PCDH7: variants seen among roughly 807,000 people sequenced by gnomAD.
The protein encoded by PCDH7 is protocadherin-7.
A neutral mutation model predicts 58.9 loss-of-function variants in PCDH7; 17 were observed. The ratio of observed to expected loss-of-function variants is 0.29; its 90% CI spans 0.20 to 0.43. PCDH7 has a LOEUF of 0.43. Ranked by LOEUF, PCDH7 falls within the 20% of genes least tolerant of loss-of-function variation. PCDH7 has a pLI of 1.00. For synonymous variants in PCDH7, 664 were observed against 616.4 expected, an observed-to-expected ratio of 1.08 and a Z score of -1.14; for missense variants, 1,274 against 1,441.0, an observed-to-expected ratio of 0.88 and a Z score of 1.88.
intron 3 of PCDH7, among the ~76,000 whole-genome samples, chr4:31,115,085 C>G (rs1187769388): frequency 6.6e-6 from 1 of 152,190 alleles, no homozygotes; most frequent in Non-Finnish European, 1.5e-5. Context: ...GTTTCCCTCC[C>G]TCCTCCACTT....
intron 1 of PCDH7, among the ~76,000 whole-genome samples, chr4:30,842,547 A>G (rs972046307): frequency 2.0e-5 from 3 of 152,280 alleles, no homozygotes; most frequent in East Asian, 1.9e-4. Flanking sequence ...AGGTATCTCA[A>G]TAAATACTGT....
chr4:30,933,516 G>A (rs1448179414), intron 2 of PCDH7, among the ~76,000 whole-genome samples: 1 of 151,986 alleles, frequency 6.6e-6, no homozygotes, highest in Non-Finnish European at 1.5e-5. Context: ...CTTGTCTTTA[G>A]GGTCATCTAT....
intron 1 of PCDH7, among the ~76,000 whole-genome samples, chr4:30,759,300 TA>T (rs1244678780): frequency 3.3e-5 from 5 of 152,136 alleles, no homozygotes; most frequent in African/African-American, 1.2e-4. Flanking sequence ...TCTTTATGGA[TA>T]AGAACAGAAA....
At chr4:30,999,300 A>T (rs1752156160) in intron 3 of PCDH7, among the ~76,000 whole-genome samples, 1 of 152,128 alleles carries the variant, frequency 6.6e-6, no homozygotes, top group Non-Finnish European at 1.5e-5. Context: ...GTGAGAAAAT[A>T]ATAAGTGTGT....
At chr4:31,145,007 C>A (rs1418460306), downstream of PCDH7, 1 of 151,418 alleles carries the variant, frequency 6.6e-6, no homozygotes, top group African/African-American at 2.4e-5. Flanking sequence ...TTTTCTTGCA[C>A]GTTACAAAGA....
At chr4:31,114,075 C>T (rs1278818964) in intron 3 of PCDH7, among the ~76,000 whole-genome samples, 1 of 151,992 alleles carries the variant, frequency 6.6e-6, no homozygotes, top group Non-Finnish European at 1.5e-5. Context: ...CTCAGGTGAT[C>T]CACCCGCCTT....
chr4:31,018,894 C>T (rs1425532128), intron 3 of PCDH7, among the ~76,000 whole-genome samples: 2 of 152,126 alleles, frequency 1.3e-5, no homozygotes, highest in African/African-American at 4.8e-5. Flanking sequence ...ATATCTCTAG[C>T]CTTGCTTTTT....
At chr4:30,796,688 T>C (rs903110336) in intron 1 of PCDH7, among the ~76,000 whole-genome samples, 1 of 152,210 alleles carries the variant, frequency 6.6e-6, no homozygotes, top group Non-Finnish European at 1.5e-5. Context: ...TTGCTTTTAA[T>C]ACGTAAATTT....
At chr4:30,946,498 AG>A (rs1424842782) in intron 2 of PCDH7, among the ~76,000 whole-genome samples, 1 of 149,446 alleles carries the variant, frequency 6.7e-6, no homozygotes, top group Non-Finnish European at 1.5e-5. Context: ...ACACTGCCTT[AG>A]GATGTTTTAA....
At chr4:31,111,416 T>C (rs1716302748) in intron 3 of PCDH7, among the ~76,000 whole-genome samples, 1 of 151,508 alleles carries the variant, frequency 6.6e-6, no homozygotes, top group Admixed American at 6.6e-5. Flanking sequence ...CAAGCGATTC[T>C]CCCTGCTTCA....
chr4:31,115,295 A>G (rs1176521382), intron 3 of PCDH7, among the ~76,000 whole-genome samples: 1 of 152,144 alleles, frequency 6.6e-6, no homozygotes, highest in Non-Finnish European at 1.5e-5. Flanking sequence ...TTTTAAAAGT[A>G]TGTTAACTGG....
At chr4:31,141,946 T>C (rs1444413080) in intron 3 of PCDH7, among the ~76,000 whole-genome samples, 1 of 152,190 alleles carries the variant, frequency 6.6e-6, no homozygotes, top group East Asian at 1.9e-4. Flanking sequence ...TAGGTTCTAC[T>C]TATGAGTCAC....
At position 30,748,460 on chromosome 4, in the gene PCDH7, A is replaced by G. The variant is rs1321214398; in HGVS notation, c.70+23864A>G. 2.0e-5 allele frequency among the ~76,000 whole-genome samples: 3 copies of G among 152,228 alleles called. No individual in the cohort carries two copies. In the East Asian group the frequency reaches 5.8e-4, roughly 29 times the overall value. ...AGAGAGTCCTCTCATGTTGGAAGGC[A>G]ACACATCGTGAGTGAGCACATTAGA... On this transcript the variant is annotated intron_variant, in intron 1 of 3. Transcript: ENST00000509759.
rs559142425 is a variant in PCDH7 at position 30,898,630 on chromosome 4, G to T, written c.71-21523G>T. On this transcript the variant is annotated intron_variant, in intron 1 of 3. Coordinates refer to the PCDH7 transcript ENST00000509759. ...TTTTGAAAGGAAATCTTGCTCTGTC[G>T]CCCAGGCTGGAGTGCAGTGGCGCGA... is the stretch of plus-strand genomic sequence containing the variant. Among the ~76,000 whole-genome samples, 4 of 152,176 alleles carry T rather than the reference G, an allele frequency of 2.6e-5. No individual in the cohort carries two copies. The South Asian group carries it at 8.3e-4, about 32-fold the overall frequency.
chr4:31,042,284 G>C (rs1755933010), intron 3 of PCDH7, among the ~76,000 whole-genome samples: 1 of 152,112 alleles, frequency 6.6e-6, no homozygotes, highest in Non-Finnish European at 1.5e-5. Flanking sequence ...CATCAAATTA[G>C]AGTAACAGCA....
intron 3 of PCDH7, among the ~76,000 whole-genome samples, chr4:31,121,579 C>T (rs981542938): frequency 6.6e-5 from 10 of 152,096 alleles, no homozygotes; most frequent in African/African-American, 2.4e-4. Flanking sequence ...TTTTTATATA[C>T]AATCAGGAAA....
intron 3 of PCDH7, among the ~76,000 whole-genome samples, chr4:31,028,286 T>C (rs541956578): frequency 6.6e-6 from 1 of 152,286 alleles, no homozygotes; most frequent in African/African-American, 2.4e-5. Flanking sequence ...TGGGTTTTTT[T>C]GTTTCAAAGT....
chr4:31,062,112 T>C (rs1401052804), intron 3 of PCDH7, among the ~76,000 whole-genome samples: 1 of 151,738 alleles, frequency 6.6e-6, no homozygotes, highest in Non-Finnish European at 1.5e-5. Context: ...TGGTTTTTCA[T>C]ATTAAAGATG....
chr4:30,946,700 G>T (rs1484618650), intron 2 of PCDH7, among the ~76,000 whole-genome samples: 1 of 147,030 alleles, frequency 6.8e-6, no homozygotes, highest in East Asian at 2.0e-4. Flanking sequence ...TTGTGTGTGT[G>T]TGTGTGTGTG....
Sources: allele counts gnomAD v4.1 joint callset (sites outside exome capture counted in the v4.1 genomes callset), GRCh38; gene constraint gnomAD v4.1.1; transcripts MANE v1.5; gene names NCBI Gene and HGNC (gene_info 2026-07-23, HGNC 2026-07-21).